MCPH1: variants seen among roughly 807,000 people sequenced by gnomAD.
The protein encoded by MCPH1 is microcephalin 1, also known as microcephalin.
In MCPH1, 104 loss-of-function variants were observed where a neutral mutation model predicts 84.5. That is an observed-to-expected ratio of 1.23 (90% confidence interval 1.05 to 1.45). The LOEUF is 1.45. Among genes scored for constraint, MCPH1 ranks in the 40% most tolerant of loss-of-function variants. The pLI, the probability that MCPH1 is intolerant of heterozygous loss-of-function variation, is 0.00. For missense variants in MCPH1, 1,498 were observed against 1,005.7 expected (o/e 1.49, Z -6.62); for synonymous variants, 514 against 366.8 (o/e 1.40, Z -4.58).
intron 4 of MCPH1, among the ~76,000 whole-genome samples, chr8:6,432,273 T>G (rs1368306755): frequency 6.6e-6 from 1 of 152,240 alleles, no homozygotes; most frequent in Non-Finnish European, 1.5e-5. Context: ...GCTCCTCCCA[T>G]GTACTTTAAG....
chr8:6,562,259 C>G (rs746828498), intron 12 of MCPH1, among the ~76,000 whole-genome samples: 30 of 152,138 alleles, frequency 2.0e-4, no homozygotes, highest in Non-Finnish European at 3.5e-4. Context: ...CACAGCCTTC[C>G]CTCACTTGCC....
At chr8:6,529,968 T>C (rs1192614475) in intron 12 of MCPH1, among the ~76,000 whole-genome samples, 1 of 152,094 alleles carries the variant, frequency 6.6e-6, no homozygotes, top group Admixed American at 6.5e-5. Context: ...AAGGTTTGCA[T>C]TGCTGCTCTG....
chr8:6,587,063 G>T (rs553506267), intron 12 of MCPH1, among the ~76,000 whole-genome samples: 1 of 152,002 alleles, frequency 6.6e-6, no homozygotes, highest in Non-Finnish European at 1.5e-5. Context: ...TCCACTTCTC[G>T]GTGTTGGAAA....
In MCPH1 at chr8:6,414,685, G is replaced by C; in HGVS notation, c.115-80G>C. The C allele has an allele frequency of 4.0e-6, 6 of 1,487,480 alleles. No individual in the cohort carries two copies. The East Asian group carries it at 7.0e-5, about 17-fold the overall frequency. 92.1% of individuals were successfully genotyped at this position (1,487,480 alleles called of 1,614,324 possible). ...AGATGTTGAGAAACAGAATTGCTGG[G>C]GTAGAGGTTTTTTGATCAGTTGTAG... On this transcript the variant is annotated intron_variant, in intron 2 of 13. Coordinates refer to ENST00000344683, the MANE Select transcript of MCPH1 (RefSeq NM_024596.5).
intron 3 of MCPH1, among the ~76,000 whole-genome samples, chr8:6,422,051 C>G (rs1332568115): frequency 1.3e-5 from 2 of 152,214 alleles, no homozygotes; most frequent in African/African-American, 2.4e-5. Context: ...TTGTTATTCT[C>G]TGTCTCAGCT....
At chr8:6,464,999 GAA>G (rs555185949) in intron 9 of MCPH1, among the ~76,000 whole-genome samples, 1,711 of 138,314 alleles carry the variant, frequency 0.012, 18 homozygotes, top group Middle Eastern at 0.026. Flanking sequence ...TTCCATCTCA[GAA>G]AAAAAAAAAA....
chr8:6,564,434 TCA>T (rs1452957600), intron 12 of MCPH1, among the ~76,000 whole-genome samples: 2 of 152,212 alleles, frequency 1.3e-5, no homozygotes, highest in Non-Finnish European at 2.9e-5. Flanking sequence ...AGGGGTGCAC[TCA>T]CAAGATTTTT....
intron 12 of MCPH1, chr8:6,562,833 A>G (rs765594656): frequency 6.8e-6 from 11 of 1,613,734 alleles, no homozygotes; most frequent in South Asian, 2.2e-5. Context: ...GCTGGACCTG[A>G]TATTGCTTCT....
At chr8:6,489,615 GATT>G (rs1257357784) in intron 11 of MCPH1, among the ~76,000 whole-genome samples, 1 of 152,214 alleles carries the variant, frequency 6.6e-6, no homozygotes, top group Admixed American at 6.5e-5. Context: ...CTGAGTTAGG[GATT>G]ATTATCAGAC....
chr8:6,589,789 A>G (rs897556392), intron 12 of MCPH1, among the ~76,000 whole-genome samples: 1 of 152,208 alleles, frequency 6.6e-6, no homozygotes, highest in Non-Finnish European at 1.5e-5. Context: ...TGATTTCCAA[A>G]CCATTATATA....
At chr8:6,509,006 G>A (rs1456678050) in intron 12 of MCPH1, 1 of 1,614,072 alleles carries the variant, frequency 6.2e-7, no homozygotes. Flanking sequence ...ATCATTTCCT[G>A]GTTGGCTGAT....
intron 12 of MCPH1, chr8:6,508,920 A>C: frequency 6.2e-7 from 1 of 1,614,056 alleles, no homozygotes; most frequent in Non-Finnish European, 8.5e-7. Context: ...GAAGACAGAA[A>C]GTCATCCCTA....
chr8:6,457,772 A>G (rs1397818834), intron 9 of MCPH1, among the ~76,000 whole-genome samples: 1 of 152,180 alleles, frequency 6.6e-6, no homozygotes, highest in Non-Finnish European at 1.5e-5. Flanking sequence ...AGAAGGAGCA[A>G]GACCTAGGTT....
rs1427956547 is a variant in MCPH1 at position 6,436,022 on chromosome 8, T to G, written c.322-26T>G. 3 of 1,611,996 alleles carry G rather than the reference T, an allele frequency of 1.9e-6. No individual in the cohort carries two copies. In the African/African-American group the frequency reaches 4.0e-5, roughly 22 times the overall value. On this transcript the variant is annotated intron_variant, in intron 4 of 13. Transcript: ENST00000344683. ...TGCCTTAAGCAGTTGCAGTACAGCATTAATTTTTGTGTTCTTTTTGCACAG... is the reference window on the plus strand; with the variant it reads ...TGCCTTAAGCAGTTGCAGTACAGCAGTAATTTTTGTGTTCTTTTTGCACAG...
chr8:6,529,222 G>A (rs59017488), intron 12 of MCPH1, among the ~76,000 whole-genome samples: 3,418 of 152,242 alleles, frequency 0.022, 103 homozygotes, highest in African/African-American at 0.069. Flanking sequence ...ACCCAGGCCA[G>A]GTATTGATCT....
intron 1 of MCPH1, 132 bp from the exon 2 acceptor site, chr8:6,409,147 C>T (rs1256185695): frequency 7.9e-6 from 6 of 761,552 alleles, no homozygotes; most frequent in African/African-American, 5.2e-5. Context: ...CCGCCTCCCA[C>T]AGTGCTGGGA....
At chr8:6,558,435 C>G (rs142777443) in intron 12 of MCPH1, among the ~76,000 whole-genome samples, 298 of 152,152 alleles carry the variant, frequency 2.0e-3, no homozygotes, top group African/African-American at 6.8e-3. Flanking sequence ...TTTAAATGTA[C>G]AAAATTTCAA....
chr8:6,609,885 C>G (rs770185679), intron 12 of MCPH1, among the ~76,000 whole-genome samples: 1 of 144,056 alleles, frequency 6.9e-6, no homozygotes, highest in East Asian at 2.2e-4. Context: ...GTCATGGTTG[C>G]CTTATTACAC....
intron 12 of MCPH1, chr8:6,502,749 A>G (rs569665273): frequency 5.9e-5 from 17 of 288,138 alleles, no homozygotes; most frequent in South Asian, 1.4e-4. Context: ...ATTGTATAAC[A>G]TAAGTGTTCT....
Sources: gnomAD v4.1 joint callset for allele counts (sites outside exome capture counted in the v4.1 genomes callset) on GRCh38, gnomAD v4.1.1 for gene constraint, MANE v1.5 for transcripts, NCBI Gene and HGNC (gene_info 2026-07-23, HGNC 2026-07-21) for gene names.